The following CLRN1 variants were observed in gnomAD, a reference collection of about 807,000 sequenced individuals.
CLRN1 encodes the protein clarin-1.
Under a neutral mutation model 18.7 loss-of-function variants are expected in CLRN1, and 15 were observed. The observed-to-expected ratio is 0.80, with a 90% CI of 0.54 to 1.23. The LOEUF is 1.23. Among genes scored for constraint, CLRN1 ranks in the 50% most tolerant of loss-of-function variants. The pLI, the probability that CLRN1 is intolerant of heterozygous loss-of-function variation, is 0.00. For missense variants in CLRN1, 311 were observed against 277.5 expected, an observed-to-expected ratio of 1.12 and a Z score of -0.86; for synonymous variants, 104 against 102.9, an observed-to-expected ratio of 1.01 and a Z score of -0.07.
At chr3:150,940,148 A>T (rs1269872942) in intron 2 of CLRN1, among the ~76,000 whole-genome samples, 1 of 152,258 alleles carries the variant, frequency 6.6e-6, no homozygotes, top group Non-Finnish European at 1.5e-5. Flanking sequence ...CGTTAGAGAT[A>T]CAAAGATGTA....
At chr3:150,928,728 G>A (rs187171468) in intron 2 of CLRN1, among the ~76,000 whole-genome samples, 36 of 152,322 alleles carry the variant, frequency 2.4e-4, no homozygotes, top group African/African-American at 7.9e-4. Flanking sequence ...GCTGCACAAA[G>A]GAAAAGGTAG....
chr3:150,956,572 A>C (rs1714743976), intron 1 of CLRN1, among the ~76,000 whole-genome samples: 1 of 152,142 alleles, frequency 6.6e-6, no homozygotes. Context: ...TCATACCCTC[A>C]TTACTCGAGT....
At chr3:150,940,779 C>T (rs79756115) in intron 2 of CLRN1, among the ~76,000 whole-genome samples, 1 of 152,278 alleles carries the variant, frequency 6.6e-6, no homozygotes, top group East Asian at 1.9e-4. Context: ...ATAGTAAGCA[C>T]CATTTGGCAC....
chr3:150,971,088 T>G (rs1482725330), intron 1 of CLRN1, among the ~76,000 whole-genome samples: 5 of 152,250 alleles, frequency 3.3e-5, no homozygotes, highest in Non-Finnish European at 1.5e-5. Flanking sequence ...TGAGAAGCTT[T>G]ACTCACGCTT....
chr3:150,963,646 G>A (rs776725110), intron 1 of CLRN1, among the ~76,000 whole-genome samples: 65 of 152,020 alleles, frequency 4.3e-4, no homozygotes, highest in African/African-American at 1.3e-3. Context: ...GAGGTATTAC[G>A]CTACCTGACT....
At chr3:150,948,803 T>C (rs1309738507) in intron 1 of CLRN1, among the ~76,000 whole-genome samples, 2 of 152,084 alleles carry the variant, frequency 1.3e-5, no homozygotes, top group African/African-American at 4.8e-5. Context: ...GTACCATTCC[T>C]ACAGAACCTA....
At chr3:150,944,411 A>C (rs879692566) in intron 1 of CLRN1, among the ~76,000 whole-genome samples, 9 of 152,140 alleles carry the variant, frequency 5.9e-5, no homozygotes, top group Non-Finnish European at 1.2e-4. Context: ...TGAATGCTGA[A>C]TAGTGATCAC....
Position 150,972,634 on chromosome 3 carries a change from C to G in CLRN1, c.75G>C (p.Val25=), listed in dbSNP as rs1330125603. Residue 25 remains valine, a synonymous_variant, in exon 1 of 3, where the codon GTG becomes GTC. Coordinates refer to ENST00000327047, the MANE Select transcript of CLRN1 (RefSeq NM_174878.3). The part of the protein sequence containing the change: ...VFSFACALGV[V]TALGTPLWIK... ...TCCACAACGGTGTCCCCAAGGCTGT[C>G]ACAACTCCGAGGGCACATGCAAAAC... is the stretch of plus-strand genomic sequence containing the variant. 1.2e-6 allele frequency: 2 copies of G among 1,614,212 alleles called. No individual in the cohort carries two copies. Among genetic ancestry groups the G allele is most frequent in the Admixed American group, 1.7e-5 (1 of 60,024 alleles).
chr3:150,972,245 A>G (rs1481009466), intron 1 of CLRN1, among the ~76,000 whole-genome samples: 1 of 152,204 alleles, frequency 6.6e-6, no homozygotes, highest in East Asian at 1.9e-4. Flanking sequence ...TTATGTAACA[A>G]TGAATTAACT....
upstream of CLRN1, chr3:150,972,848 G>T (rs747681589): frequency 7.6e-6 from 9 of 1,183,202 alleles, no homozygotes; most frequent in Non-Finnish European, 6.1e-6. Context: ...CACCATCGAC[G>T]GTTCTCGCCA....
intron 1 of CLRN1, among the ~76,000 whole-genome samples, chr3:150,962,193 C>T (rs1715069164): frequency 6.6e-6 from 1 of 152,176 alleles, no homozygotes; most frequent in Non-Finnish European, 1.5e-5. Context: ...CTGAGAATGG[C>T]TTTGCCACAG....
At chr3:150,945,703 C>A (rs1244662836) in intron 1 of CLRN1, 2 of 1,203,300 alleles carry the variant, frequency 1.7e-6, no homozygotes, top group Admixed American at 2.5e-5. Context: ...GAAAAATGCA[C>A]ATTAAAACTT....
intron 1 of CLRN1, among the ~76,000 whole-genome samples, chr3:150,969,314 T>TATATATATATATA (rs1491446852): frequency 4.5e-4 from 16 of 35,856 alleles, no homozygotes; most frequent in African/African-American, 1.8e-3. Context: ...TATATATATA[T>TATATATATATATA]TTTTTTTTTT....
intron 1 of CLRN1, among the ~76,000 whole-genome samples, chr3:150,949,187 T>C (rs1439484113): frequency 6.6e-6 from 1 of 152,134 alleles, no homozygotes; most frequent in Non-Finnish European, 1.5e-5. Flanking sequence ...GTCAATAAAC[T>C]AGGTATTAAA....
At chr3:150,949,103 A>G (rs1427773410) in intron 1 of CLRN1, among the ~76,000 whole-genome samples, 2 of 152,218 alleles carry the variant, frequency 1.3e-5, no homozygotes, top group Non-Finnish European at 2.9e-5. Context: ...ACTAAAGACA[A>G]AAGCCACATG....
intron 1 of CLRN1, among the ~76,000 whole-genome samples, chr3:150,966,208 G>A (rs1254094578): frequency 6.6e-6 from 1 of 152,226 alleles, no homozygotes; most frequent in African/African-American, 2.4e-5. Context: ...CTTCTACTCA[G>A]GAGGCTGAGG....
chr3:150,936,659 A>G (rs1713506162), intron 2 of CLRN1, among the ~76,000 whole-genome samples: 3 of 152,188 alleles, frequency 2.0e-5, no homozygotes, highest in South Asian at 4.1e-4. Flanking sequence ...CAGCTATCAG[A>G]TATCTTTTTA....
At chr3:150,946,678 T>C (rs1193827803) in intron 1 of CLRN1, among the ~76,000 whole-genome samples, 4 of 151,608 alleles carry the variant, frequency 2.6e-5, no homozygotes, top group African/African-American at 9.7e-5. Flanking sequence ...TTTCTGAATC[T>C]GGTTTGTGAT....
chr3:150,948,471 G>C (rs551797170), intron 1 of CLRN1, among the ~76,000 whole-genome samples: 1 of 117,082 alleles, frequency 8.5e-6, no homozygotes, highest in Non-Finnish European at 1.6e-5. Flanking sequence ...GCGACAGAGC[G>C]AGACTCCGTC....
Sources: allele counts gnomAD v4.1 joint callset (sites outside exome capture counted in the v4.1 genomes callset), GRCh38; gene constraint gnomAD v4.1.1; transcripts MANE v1.5; gene names NCBI Gene and HGNC (gene_info 2026-07-23, HGNC 2026-07-21).